The following ADAMTSL3 variants were observed in gnomAD, a reference collection of about 807,000 sequenced individuals.
ADAMTSL3 encodes ADAMTS-like protein 3.
Under a neutral mutation model 201.7 loss-of-function variants are expected in ADAMTSL3, and 128 were observed. The observed-to-expected ratio is 0.63, with a 90% CI of 0.55 to 0.73. The LOEUF is 0.73. Among genes scored for constraint, ADAMTSL3 ranks in the 30% least tolerant of loss-of-function variants. ADAMTSL3 has a pLI of 0.00. For synonymous variants in ADAMTSL3, 738 were observed against 748.4 expected (o/e 0.99, Z 0.23); for missense variants, 1,990 against 2,119.6 (o/e 0.94, Z 1.20).
chr15:83,823,904 CTTCTTCTTCTTCTTCT>C (rs2063941162), intron 6 of ADAMTSL3, among the ~76,000 whole-genome samples: 1 of 32,796 alleles, frequency 3.0e-5, no homozygotes, highest in Non-Finnish European at 8.2e-5. Flanking sequence ...TCTTCTTCTT[CTTCTTCTTCTTCTTCT>C]TCTTCTTCTT....
At chr15:83,771,342 A>T (rs535671873) in intron 3 of ADAMTSL3, among the ~76,000 whole-genome samples, 1 of 152,258 alleles carries the variant, frequency 6.6e-6, no homozygotes, top group Non-Finnish European at 1.5e-5. Context: ...AGCGTATAGT[A>T]CAGTATTGGT....
At chr15:83,864,697 C>G (rs1301954513) in intron 8 of ADAMTSL3, among the ~76,000 whole-genome samples, 1 of 152,206 alleles carries the variant, frequency 6.6e-6, no homozygotes, top group East Asian at 1.9e-4. Context: ...CCTTTGAAAA[C>G]TGGCACAAGA....
chr15:83,773,465 A>G, intron 3 of ADAMTSL3, 58 bp from the exon 4 acceptor site: 1 of 1,573,262 alleles, frequency 6.4e-7, no homozygotes, highest in Non-Finnish European at 8.6e-7. Context: ...TTTCTACCAC[A>G]TTTGCCTATA....
chr15:83,678,303 CTT>C (rs954825890), intron 2 of ADAMTSL3, among the ~76,000 whole-genome samples: 1 of 152,004 alleles, frequency 6.6e-6, no homozygotes, highest in African/African-American at 2.4e-5. Flanking sequence ...TGGAACACTT[CTT>C]TTATCTCTTC....
intron 5 of ADAMTSL3, among the ~76,000 whole-genome samples, chr15:83,809,927 G>A (rs7177929): frequency 0.78 from 118,875 of 152,000 alleles, 47,489 homozygotes; most frequent in East Asian, 1. Context: ...TTTCTAATCT[G>A]TGGATCAAGT....
chr15:83,709,971 C>T (rs995646525), intron 3 of ADAMTSL3, among the ~76,000 whole-genome samples: 4 of 151,908 alleles, frequency 2.6e-5, no homozygotes, highest in African/African-American at 9.7e-5. Context: ...TATGTGTGTA[C>T]CTGTTAATAT....
chr15:83,881,418 A>G (rs1186908318), intron 9 of ADAMTSL3, among the ~76,000 whole-genome samples: 2 of 152,224 alleles, frequency 1.3e-5, no homozygotes, highest in Non-Finnish European at 2.9e-5. Context: ...CCACTTGCAG[A>G]CTGGAAAATG....
At position 83,913,112 on chromosome 15, in the gene ADAMTSL3, C is replaced by T; in HGVS notation, c.1721C>T (p.Ser574Leu). 6.2e-7 allele frequency: 1 copy of T among 1,614,072 alleles called. No homozygotes were observed. Among genetic ancestry groups the T allele is most frequent in the Non-Finnish European group, 8.5e-7 (1 of 1,180,020 alleles). ...EEPTFIPEPW[S>L]ACSTTCGPGV... Reference sequence around the variant, plus strand: ...CCTAGGTTCATTCCAGAACCCTGGTCAGCCTGCAGTACCACGTGTGGGCCG... The same window carrying T: ...CCTAGGTTCATTCCAGAACCCTGGTTAGCCTGCAGTACCACGTGTGGGCCG... The change falls in exon 16 of 30, where the codon TCA becomes TTA. Residue 574 changes from serine to leucine, a missense_variant. Physicochemically the swap from Ser to Leu is moderately radical, Grantham distance 145. Coordinates refer to ENST00000286744, the MANE Select transcript of ADAMTSL3 (RefSeq NM_207517.3).
intron 3 of ADAMTSL3, among the ~76,000 whole-genome samples, chr15:83,759,706 G>C (rs1003797178): frequency 1.3e-5 from 2 of 152,150 alleles, no homozygotes; most frequent in African/African-American, 4.8e-5. Context: ...GGGATTTAGG[G>C]TGAATCTCAG....
At chr15:83,988,211 G>C (rs575602513) in intron 21 of ADAMTSL3, among the ~76,000 whole-genome samples, 1 of 152,238 alleles carries the variant, frequency 6.6e-6, no homozygotes, top group Non-Finnish European at 1.5e-5. Flanking sequence ...CTTCATACAG[G>C]AATAATGAGA....
At chr15:83,883,747 G>T (rs2065329045) in intron 9 of ADAMTSL3, among the ~76,000 whole-genome samples, 1 of 150,762 alleles carries the variant, frequency 6.6e-6, no homozygotes, top group South Asian at 2.1e-4. Context: ...TTTTTCTTTT[G>T]GAGAGATAGG....
intron 6 of ADAMTSL3, among the ~76,000 whole-genome samples, chr15:83,836,038 A>C (rs1277891192): frequency 6.6e-6 from 1 of 152,252 alleles, no homozygotes; most frequent in Non-Finnish European, 1.5e-5. Flanking sequence ...TAAATGAAAT[A>C]ATGTGTACAA....
At chr15:83,792,554 C>T (rs1245316643) in intron 4 of ADAMTSL3, among the ~76,000 whole-genome samples, 4 of 152,086 alleles carry the variant, frequency 2.6e-5, no homozygotes, top group Non-Finnish European at 4.4e-5. Flanking sequence ...GAGGCTGAGG[C>T]GGGTGGAGCA....
chr15:83,790,711 A>C (rs1006512791), intron 4 of ADAMTSL3, among the ~76,000 whole-genome samples: 1 of 152,168 alleles, frequency 6.6e-6, no homozygotes, highest in African/African-American at 2.4e-5. Context: ...AGAAAAATAC[A>C]ACTGTCTTTA....
intron 20 of ADAMTSL3, among the ~76,000 whole-genome samples, chr15:83,974,067 A>C (rs930884539): frequency 6.6e-6 from 1 of 152,136 alleles, no homozygotes; most frequent in Non-Finnish European, 1.5e-5. Context: ...GCTTCTCCCC[A>C]AACAATCCCT....
chr15:83,655,901 C>A, intron 2 of ADAMTSL3, 71 bp downstream of exon 2: 4 of 1,455,778 alleles, frequency 2.7e-6, no homozygotes, highest in South Asian at 1.2e-5. Flanking sequence ...TTATTGTATA[C>A]CACCTAAGAT....
At chr15:83,714,758 T>C (rs2061979065) in intron 3 of ADAMTSL3, among the ~76,000 whole-genome samples, 1 of 96,174 alleles carries the variant, frequency 1.0e-5, no homozygotes, top group Non-Finnish European at 2.2e-5. Flanking sequence ...TTCCTTCCCT[T>C]TTCTCTTTCT....
chr15:83,920,938 C>T (rs867430495), intron 16 of ADAMTSL3, among the ~76,000 whole-genome samples: 16 of 152,112 alleles, frequency 1.1e-4, no homozygotes, highest in African/African-American at 3.4e-4. Flanking sequence ...CAAGTTTCCC[C>T]CCACTTATTG....
intron 4 of ADAMTSL3, among the ~76,000 whole-genome samples, chr15:83,800,502 C>T (rs1278969084): frequency 6.6e-6 from 1 of 152,090 alleles, no homozygotes; most frequent in Non-Finnish European, 1.5e-5. Flanking sequence ...CCATAAGATA[C>T]CTTTGATATA....
Sources: gnomAD v4.1 joint callset for allele counts (sites outside exome capture counted in the v4.1 genomes callset) on GRCh38, gnomAD v4.1.1 for gene constraint, MANE v1.5 for transcripts, NCBI Gene and HGNC (gene_info 2026-07-23, HGNC 2026-07-21) for gene names.